The following PTPRD variants were observed in gnomAD, a reference collection of about 807,000 sequenced individuals.
PTPRD encodes receptor-type tyrosine-protein phosphatase delta.
PTPRD carries 34 observed loss-of-function variants against 214.5 expected under a neutral mutation model. The observed-to-expected ratio is 0.16, with a 90% CI of 0.12 to 0.21. The LOEUF (loss-of-function observed/expected upper bound fraction) is 0.21. Among genes scored for constraint, PTPRD ranks in the 10% least tolerant of loss-of-function variants. The probability of loss-of-function intolerance (pLI) is 1.00; values close to 1 mark genes in which losing one functional copy is unlikely to be tolerated. For synonymous variants in PTPRD, 1,128 were observed against 845.7 expected, an observed-to-expected ratio of 1.33 and a Z score of -5.79; for missense variants, 2,545 against 2,398.7, an observed-to-expected ratio of 1.06 and a Z score of -1.27.
rs183126400 is a variant in PTPRD, at chr9:8,747,833, T to C, written c.-103-13887A>G. ...TTACTAGACCAGGCCTTTTCAAAACTATCAAGCAGATAGTCAGGGCCTGTA... is the reference window on the plus strand; with the variant it reads ...TTACTAGACCAGGCCTTTTCAAAACCATCAAGCAGATAGTCAGGGCCTGTA... On this transcript the variant is annotated intron_variant, in intron 11 of 45. Coordinates refer to ENST00000381196, the MANE Select transcript of PTPRD (RefSeq NM_002839.4). 6.6e-5 allele frequency among the ~76,000 whole-genome samples: 10 copies of C among 152,292 alleles called. No individual in the cohort carries two copies. In the East Asian group the frequency reaches 1.7e-3, roughly 27 times the overall value.
chr9:10,479,658 T>TAAATAAAC (rs141946645), intron 2 of PTPRD, among the ~76,000 whole-genome samples: 25 of 145,916 alleles, frequency 1.7e-4, no homozygotes, highest in African/African-American at 4.7e-4. Context: ...AATAAATAAA[T>TAAATAAAC]AAACAAAAAT....
intron 8 of PTPRD, among the ~76,000 whole-genome samples, chr9:9,453,063 C>T (rs1780409359): frequency 6.7e-6 from 1 of 148,898 alleles, no homozygotes; most frequent in South Asian, 2.1e-4. Flanking sequence ...ATTTAATATC[C>T]ATAAGATGTG....
At chr9:8,446,901 T>A (rs567426782) in intron 34 of PTPRD, among the ~76,000 whole-genome samples, 1 of 152,306 alleles carries the variant, frequency 6.6e-6, no homozygotes, top group Admixed American at 6.5e-5. Flanking sequence ...TCTGCTCTCA[T>A]CCTATTGGCA....
At chr9:10,090,919 TACACACACACACAC>T (rs1162698970) in intron 3 of PTPRD, among the ~76,000 whole-genome samples, 113 of 99,678 alleles carry the variant, frequency 1.1e-3, no homozygotes, top group African/African-American at 3.9e-3. Context: ...AAATGAAATA[TACACACACACACAC>T]ACACACACAC....
intron 11 of PTPRD, among the ~76,000 whole-genome samples, chr9:8,750,956 T>G (rs2093462698): frequency 6.6e-6 from 1 of 152,142 alleles, no homozygotes; most frequent in Non-Finnish European, 1.5e-5. Context: ...CCCTCCCTGT[T>G]CCCAAGTCTC....
intron 11 of PTPRD, among the ~76,000 whole-genome samples, chr9:8,924,250 C>A (rs971446870): frequency 6.6e-6 from 1 of 151,986 alleles, no homozygotes; most frequent in Non-Finnish European, 1.5e-5. Context: ...ATTTTTAATT[C>A]TTTAATGCAA....
intron 33 of PTPRD, among the ~76,000 whole-genome samples, chr9:8,453,629 T>C (rs868801683): frequency 4.6e-5 from 7 of 152,234 alleles, no homozygotes; most frequent in Non-Finnish European, 1.0e-4. Context: ...TCATTGAACA[T>C]GAGGCTTGCT....
At chr9:9,789,506 CTT>C (rs1282267166) in intron 5 of PTPRD, among the ~76,000 whole-genome samples, 1 of 152,028 alleles carries the variant, frequency 6.6e-6, no homozygotes, top group Non-Finnish European at 1.5e-5. Context: ...GTGATTAAAA[CTT>C]TTAAATCGGC....
chr9:10,071,100 G>T (rs1035792807), intron 3 of PTPRD, among the ~76,000 whole-genome samples: 5 of 152,006 alleles, frequency 3.3e-5, no homozygotes, highest in African/African-American at 1.2e-4. Flanking sequence ...AAACTCTGAT[G>T]AAAGAAATCA....
chr9:9,411,851 G>A (rs2075541164), intron 8 of PTPRD, among the ~76,000 whole-genome samples: 1 of 152,228 alleles, frequency 6.6e-6, no homozygotes, highest in Non-Finnish European at 1.5e-5. Flanking sequence ...GATTTTCTGT[G>A]TAGGGAAATG....
chr9:8,814,768 T>C (rs1268512813), intron 11 of PTPRD, among the ~76,000 whole-genome samples: 1 of 152,206 alleles, frequency 6.6e-6, no homozygotes, highest in Non-Finnish European at 1.5e-5. Context: ...ACAAATAGTA[T>C]GGATTATACA....
chr9:8,803,500 G>T (rs770411537), intron 11 of PTPRD, among the ~76,000 whole-genome samples: 2 of 151,998 alleles, frequency 1.3e-5, no homozygotes, highest in Non-Finnish European at 2.9e-5. Flanking sequence ...TAACCTTTGA[G>T]TTCTTTACAC....
chr9:10,210,819 A>ATATG (rs1261761491), intron 3 of PTPRD, among the ~76,000 whole-genome samples: 19 of 70,150 alleles, frequency 2.7e-4, no homozygotes, highest in African/African-American at 1.5e-3. Flanking sequence ...ATATATATAT[A>ATATG]TATGTATGTA....
intron 4 of PTPRD, among the ~76,000 whole-genome samples, chr9:10,018,030 T>C (rs1163408771): frequency 6.6e-6 from 1 of 152,114 alleles, no homozygotes; most frequent in Admixed American, 6.5e-5. Context: ...CAGCATAAGT[T>C]AGTTTTATTT....
intron 39 of PTPRD, among the ~76,000 whole-genome samples, chr9:8,357,378 T>C (rs934234860): frequency 6.6e-6 from 1 of 152,196 alleles, no homozygotes; most frequent in Non-Finnish European, 1.5e-5. Flanking sequence ...TTTCATTCTA[T>C]CAAATGCCTT....
At chr9:8,359,237 A>G (rs2077831181) in intron 39 of PTPRD, among the ~76,000 whole-genome samples, 1 of 151,078 alleles carries the variant, frequency 6.6e-6, no homozygotes, top group African/African-American at 2.4e-5. Flanking sequence ...AGCAGCATGT[A>G]GGAAACTGTT....
chr9:8,564,111 G>A (rs2087765758), intron 14 of PTPRD, among the ~76,000 whole-genome samples: 1 of 152,156 alleles, frequency 6.6e-6, no homozygotes, highest in Admixed American at 6.5e-5. Context: ...GATCCAAGCT[G>A]TAACTGCCAG....
chr9:9,292,149 C>T (rs1222410914), intron 9 of PTPRD, among the ~76,000 whole-genome samples: 2 of 149,436 alleles, frequency 1.3e-5, no homozygotes, highest in East Asian at 4.0e-4. Flanking sequence ...GAAAACGTTT[C>T]ATTCTCCTTA....
chr9:8,538,172 C>A (rs1001800028), intron 14 of PTPRD, among the ~76,000 whole-genome samples: 1 of 151,970 alleles, frequency 6.6e-6, no homozygotes, highest in African/African-American at 2.4e-5. Flanking sequence ...TATTTATCAA[C>A]AAGCAGGTGT....
Sources: allele counts gnomAD v4.1 joint callset (sites outside exome capture counted in the v4.1 genomes callset), GRCh38; gene constraint gnomAD v4.1.1; transcripts MANE v1.5; gene names NCBI Gene and HGNC (gene_info 2026-07-23, HGNC 2026-07-21).